The following GPHN variants were observed in gnomAD, a reference collection of about 807,000 sequenced individuals.
The protein encoded by GPHN is gephyrin.
A neutral mutation model predicts 95.5 loss-of-function variants in GPHN; 17 were observed. That is an observed-to-expected ratio of 0.18 (90% confidence interval 0.12 to 0.27). The LOEUF is 0.27. Ranked by LOEUF, GPHN falls within the 10% of genes least tolerant of loss-of-function variation. GPHN has a pLI of 1.00. For synonymous variants in GPHN, 320 were observed against 322.5 expected (o/e 0.99, Z 0.08); for missense variants, 660 against 978.1 (o/e 0.67, Z 4.34).
chr14:66,849,414 A>C (rs891787378), intron 4 of GPHN, among the ~76,000 whole-genome samples: 1 of 152,046 alleles, frequency 6.6e-6, no homozygotes, highest in African/African-American at 2.4e-5. Flanking sequence ...AAAATACAAT[A>C]ACTCACTCAA....
the GPHN span, chr14:67,395,467 C>T: frequency 9.3e-6 from 15 of 1,613,914 alleles, no homozygotes; most frequent in South Asian, 3.3e-5. Flanking sequence ...GGACCTTCCC[C>T]GGCTGCCCTG....
the GPHN span, among the ~76,000 whole-genome samples, chr14:67,290,770 A>G: frequency 2.6e-5 from 4 of 152,066 alleles, no homozygotes; most frequent in African/African-American, 9.7e-5. Context: ...CCTGGACTCA[A>G]GCAGTCCACC....
At chr14:67,457,744 T>C in the GPHN span, among the ~76,000 whole-genome samples, 8 of 152,228 alleles carry the variant, frequency 5.3e-5, no homozygotes, top group African/African-American at 1.4e-4. Flanking sequence ...TCAGTGAGGA[T>C]GACATTGGTT....
the GPHN span, among the ~76,000 whole-genome samples, chr14:67,623,265 T>G: frequency 6.6e-6 from 1 of 152,214 alleles, no homozygotes; most frequent in African/African-American, 2.4e-5. Context: ...TCAGTTGCTC[T>G]GTTCCTAAAC....
the GPHN span, chr14:67,338,543 C>T: frequency 7.1e-7 from 1 of 1,402,670 alleles, no homozygotes; most frequent in South Asian, 1.7e-5. Flanking sequence ...AATAAATAGC[C>T]ACACAAATCA....
At chr14:66,751,733 C>T (rs1314252247) in intron 2 of GPHN, among the ~76,000 whole-genome samples, 1 of 151,964 alleles carries the variant, frequency 6.6e-6, no homozygotes, top group Non-Finnish European at 1.5e-5. Flanking sequence ...TTCTTGAAGA[C>T]CCTAGTATTT....
At chr14:67,453,491 CT>C in the GPHN span, among the ~76,000 whole-genome samples, 1 of 152,222 alleles carries the variant, frequency 6.6e-6, no homozygotes, top group Non-Finnish European at 1.5e-5. Context: ...CTTGAACAAC[CT>C]TTCCTTAGGT....
At chr14:67,547,279 G>A in the GPHN span, among the ~76,000 whole-genome samples, 7 of 152,162 alleles carry the variant, frequency 4.6e-5, no homozygotes, top group Non-Finnish European at 1.0e-4. Context: ...ACCTGAGTCC[G>A]ACACTGGACC....
the GPHN span, among the ~76,000 whole-genome samples, chr14:67,231,727 G>T: frequency 6.6e-6 from 1 of 152,132 alleles, no homozygotes; most frequent in Non-Finnish European, 1.5e-5. Flanking sequence ...CAGCACTTTG[G>T]GAGGCCGAGG....
the GPHN span, among the ~76,000 whole-genome samples, chr14:67,331,290 C>T: frequency 6.6e-6 from 1 of 152,212 alleles, no homozygotes; most frequent in Non-Finnish European, 1.5e-5. Flanking sequence ...TGTGATCCAC[C>T]TACCTTGGCC....
chr14:66,794,989 C>T (rs2060105302), intron 3 of GPHN, among the ~76,000 whole-genome samples: 1 of 152,062 alleles, frequency 6.6e-6, no homozygotes, highest in African/African-American at 2.4e-5. Context: ...ATGCTATAAT[C>T]CCAGCTTCTC....
the GPHN span, chr14:67,616,554 G>A: frequency 4.0e-5 from 6 of 150,524 alleles, no homozygotes; most frequent in Admixed American, 3.3e-4. Context: ...TATTATTATT[G>A]TTGTCCTTTT....
chr14:67,392,975 G>T, the GPHN span: 1 of 871,858 alleles, frequency 1.1e-6, no homozygotes, highest in Non-Finnish European at 1.8e-6. Flanking sequence ...GCAGACTGAA[G>T]GCCACACCTG....
the GPHN span, chr14:67,376,454 C>T: frequency 1.9e-6 from 3 of 1,609,332 alleles, no homozygotes; most frequent in South Asian, 1.1e-5. Context: ...TAGCATTCTT[C>T]GTCATGTTGC....
rs113865397 is a variant in GPHN, at chr14:66,596,755, C to T, written c.65-84352C>T. 8.5e-5 allele frequency among the ~76,000 whole-genome samples: 13 copies of T among 152,236 alleles called. 2 individuals carry two copies. Among genetic ancestry groups the T allele is most frequent in the African/African-American group, 3.1e-4 (13 of 41,554 alleles). On this transcript the variant is annotated intron_variant, in intron 1 of 22. Transcript: ENST00000478722. ...GGGTCCCCAAGAGTGTAGAGATGCCCGGGTTTGCAGCCACAGCTTGACGGC... is the reference window on the plus strand; with the variant it reads ...GGGTCCCCAAGAGTGTAGAGATGCCTGGGTTTGCAGCCACAGCTTGACGGC...
At chr14:67,360,375 G>C in the GPHN span, 1 of 396,538 alleles carries the variant, frequency 2.5e-6, no homozygotes, top group Non-Finnish European at 4.4e-6. Flanking sequence ...ATCGGCGGCC[G>C]GTGAGGGGGA....
At chr14:66,816,896 T>G (rs2060992445) in intron 3 of GPHN, among the ~76,000 whole-genome samples, 1 of 152,152 alleles carries the variant, frequency 6.6e-6, no homozygotes, top group Non-Finnish European at 1.5e-5. Flanking sequence ...ATGACTTATG[T>G]AAACTTACTC....
chr14:66,610,309 G>A (rs1215726148), intron 1 of GPHN, among the ~76,000 whole-genome samples: 5 of 152,120 alleles, frequency 3.3e-5, no homozygotes, highest in Non-Finnish European at 7.4e-5. Context: ...ATTTCAGCAA[G>A]TTTAGAGCAC....
At chr14:66,860,954 C>T (rs1016274930) in intron 4 of GPHN, among the ~76,000 whole-genome samples, 41 of 151,222 alleles carry the variant, frequency 2.7e-4, no homozygotes, top group South Asian at 4.2e-4. Context: ...AAAAGGAATA[C>T]GGGAAGGAAG....
Sources: allele counts gnomAD v4.1 joint callset (sites outside exome capture counted in the v4.1 genomes callset), GRCh38; gene constraint gnomAD v4.1.1; transcripts MANE v1.5; gene names NCBI Gene and HGNC (gene_info 2026-07-23, HGNC 2026-07-21).